The following INPP5F variants were observed in gnomAD, a reference collection of about 807,000 sequenced individuals.
The protein encoded by INPP5F is phosphatidylinositide 4-phosphatase SAC2.
INPP5F carries 97 observed loss-of-function variants against 137.2 expected under a neutral mutation model. The ratio of observed to expected loss-of-function variants is 0.71; its 90% CI spans 0.60 to 0.84. The LOEUF (loss-of-function observed/expected upper bound fraction) is 0.84. Ranked by LOEUF, INPP5F falls within the 40% of genes least tolerant of loss-of-function variation. The probability of loss-of-function intolerance (pLI) is 0.00; values close to 1 mark genes in which losing one functional copy is unlikely to be tolerated. For missense variants in INPP5F, 1,271 were observed against 1,371.9 expected (o/e 0.93, Z 1.16); for synonymous variants, 504 against 476.9 (o/e 1.06, Z -0.74).
rs1375648796 is a variant in INPP5F, at chr10:119,811,968, G to C, written c.1886+13G>C. 1 of 1,605,680 alleles carries C rather than the reference G, an allele frequency of 6.2e-7. No individual in the cohort carries two copies. Among genetic ancestry groups the C allele is most frequent in the Non-Finnish European group, 8.5e-7 (1 of 1,172,654 alleles). On this transcript the variant is annotated intron_variant, in intron 15 of 19. Coordinates refer to ENST00000650623, the MANE Select transcript of INPP5F (RefSeq NM_014937.4). ...ACTGTGACCCTAGGTGAGTTGGAGT[G>C]GTGTCCAGGTGACCAGCTTGCTTAA... is the stretch of plus-strand genomic sequence containing the variant.
Position 119,748,646 on chromosome 10 carries a change from A to T in INPP5F, c.98-2430A>T, listed in dbSNP as rs542534813. Among the ~76,000 whole-genome samples, 1 of 152,256 alleles carries T rather than the reference A, an allele frequency of 6.6e-6. No homozygotes were observed. The highest frequency in any genetic ancestry group is 2.1e-4 in the South Asian group (1 of 4,824). ...CCCGAAGGGGGCAGCTCCCTCCCGC[A>T]GCTGGTGGTCTGGACATCTGTGAGT... On this transcript the variant is annotated intron_variant, in intron 1 of 19. Coordinates refer to ENST00000650623, the MANE Select transcript of INPP5F (RefSeq NM_014937.4). The surrounding 1 kb of genome is among the most constrained non-coding windows in gnomAD (Gnocchi z 4.7).
chr10:119,779,496 T>A (rs141420733), intron 2 of INPP5F, among the ~76,000 whole-genome samples: 1 of 152,178 alleles, frequency 6.6e-6, no homozygotes, highest in East Asian at 1.9e-4. Context: ...CATGGCTTAT[T>A]GCAGCATCAA....
intron 2 of INPP5F, among the ~76,000 whole-genome samples, chr10:119,766,339 A>T (rs1242692757): frequency 6.6e-6 from 1 of 152,210 alleles, no homozygotes; most frequent in Non-Finnish European, 1.5e-5. Flanking sequence ...ATCCCTTCCC[A>T]GTCAAGTTGA....
chr10:119,778,817 A>G (rs1450414672), intron 2 of INPP5F, among the ~76,000 whole-genome samples: 1 of 152,102 alleles, frequency 6.6e-6, no homozygotes, highest in Non-Finnish European at 1.5e-5. Context: ...GTTTAGTTCT[A>G]TTCTTAATTT....
At position 119,828,018 on chromosome 10, in the gene INPP5F, A is replaced by C. The variant is rs1005748752; in HGVS notation, c.*238A>C. 8.2e-6 allele frequency: 3 copies of C among 365,026 alleles called. 1 individual carries two copies. 22.6% of individuals were successfully genotyped at this position (365,026 alleles called of 1,614,324 possible). ...TTATACACTACAGAGCACTTTGCTT[A>C]TTTGAAAGTAATTCAGCAACAGGTC... On this transcript the variant is annotated 3_prime_UTR_variant, in exon 20 of 20. Transcript: ENST00000650623.
rs143177360 is a variant in INPP5F at position 119,755,889 on chromosome 10, G to A, written c.178+4733G>A. 1.6e-4 allele frequency among the ~76,000 whole-genome samples: 25 copies of A among 152,344 alleles called. No individual in the cohort carries two copies. In the East Asian group the frequency reaches 4.0e-3, roughly 25 times the overall value. The stretch of plus-strand genomic sequence containing the variant: ...AATAAGCATTTCAGCCAGGCGTGGT[G>A]GCTCACGCCTGTAATCCTAGCACTT... On this transcript the variant is annotated intron_variant, in intron 2 of 19. Coordinates refer to ENST00000650623, the MANE Select transcript of INPP5F (RefSeq NM_014937.4).
At position 119,797,606 on chromosome 10, in the gene INPP5F, G is replaced by A. The variant is rs1468813582; in HGVS notation, c.1014G>A (p.Gly338=). Residue 338 remains glycine (G), a synonymous_variant, in exon 8 of 20, where the codon GGG becomes GGA. Coordinates refer to ENST00000650623, the MANE Select transcript of INPP5F (RefSeq NM_014937.4). ...TGCCTGTCTTTTGGAGCCAGGTTGG[G>A]TATCGATATAACCCAAGACCGCGGC... is the stretch of plus-strand genomic sequence containing the variant. ...GSVPVFWSQV[G]YRYNPRPRLD... 3 of 1,613,178 alleles carry A rather than the reference G, an allele frequency of 1.9e-6. No homozygotes were observed. Among genetic ancestry groups the A allele is most frequent in the Non-Finnish European group, 2.5e-6 (3 of 1,179,586 alleles).
chr10:119,796,070 G>T (rs1224693030), intron 6 of INPP5F, among the ~76,000 whole-genome samples: 4 of 143,494 alleles, frequency 2.8e-5, no homozygotes, highest in African/African-American at 1.0e-4. Context: ...AGACCGTGGG[G>T]AGAGGGAGAG....
chr10:119,770,488 A>G (rs753616047), intron 2 of INPP5F, among the ~76,000 whole-genome samples: 30 of 152,206 alleles, frequency 2.0e-4, no homozygotes, highest in Non-Finnish European at 4.4e-4. Flanking sequence ...TTTTAATTCT[A>G]AGTATAAAAT....
chr10:119,798,856 G>C (rs1850485516), intron 9 of INPP5F, among the ~76,000 whole-genome samples: 1 of 138,274 alleles, frequency 7.2e-6, no homozygotes, highest in Non-Finnish European at 1.5e-5. Flanking sequence ...GACTCAAACT[G>C]CTGGGCTCAA....
intron 19 of INPP5F, chr10:119,826,099 T>C (rs1851748217): frequency 2.5e-6 from 1 of 397,440 alleles, no homozygotes; most frequent in Non-Finnish European, 4.4e-6. Flanking sequence ...CACTGGGATG[T>C]GTATAGATAA....
chr10:119,743,659 CGGGGGG>C (rs71019711), intron 1 of INPP5F, among the ~76,000 whole-genome samples: 2 of 31,860 alleles, frequency 6.3e-5, no homozygotes, highest in Non-Finnish European at 1.3e-4. Flanking sequence ...GGGCGGGGGG[CGGGGGG>C]GGGGATGGAA....
chr10:119,799,726 A>G (rs533247055), intron 9 of INPP5F, among the ~76,000 whole-genome samples: 2 of 152,244 alleles, frequency 1.3e-5, no homozygotes, highest in Non-Finnish European at 2.9e-5. Context: ...AATTTTTGAT[A>G]TCTATCCTAT....
intron 1 of INPP5F, among the ~76,000 whole-genome samples, chr10:119,746,933 C>T (rs1176157602): frequency 6.6e-6 from 1 of 152,066 alleles, no homozygotes; most frequent in Non-Finnish European, 1.5e-5. Flanking sequence ...GGATTATAGG[C>T]GTGTGCCAAC....
At chr10:119,740,495 G>A (rs1202868749) in intron 1 of INPP5F, among the ~76,000 whole-genome samples, 1 of 152,200 alleles carries the variant, frequency 6.6e-6, no homozygotes, top group Non-Finnish European at 1.5e-5. Context: ...GTCCTACCAT[G>A]AGGTTTAATA....
chr10:119,750,497 A>C (rs1848660975), intron 1 of INPP5F, among the ~76,000 whole-genome samples: 2 of 152,196 alleles, frequency 1.3e-5, no homozygotes, highest in Non-Finnish European at 2.9e-5. Flanking sequence ...ACTGTCACCC[A>C]AAACAAATCA....
intron 15 of INPP5F, chr10:119,819,354 A>G: frequency 2.4e-6 from 3 of 1,272,808 alleles, no homozygotes; most frequent in Non-Finnish European, 3.0e-6. Context: ...TTACGTGCCA[A>G]GTGCTTTTTG....
At chr10:119,749,266 A>C (rs1203147814) in intron 1 of INPP5F, among the ~76,000 whole-genome samples, 1 of 152,180 alleles carries the variant, frequency 6.6e-6, no homozygotes. Context: ...AGCCCCGCCA[A>C]CTTGGTAGGG....
chr10:119,769,598 C>T (rs1437613589), intron 2 of INPP5F, among the ~76,000 whole-genome samples: 1 of 152,160 alleles, frequency 6.6e-6, no homozygotes. Flanking sequence ...AGGTGAGCAT[C>T]ATCCCGTCTG....
Sources: gnomAD v4.1 joint callset for allele counts (sites outside exome capture counted in the v4.1 genomes callset) on GRCh38, gnomAD v4.1.1 for gene constraint, Gnocchi (gnomAD v3.1) non-coding constraint, MANE v1.5 for transcripts, NCBI Gene and HGNC (gene_info 2026-07-23, HGNC 2026-07-21) for gene names.